NAV3: variants seen among roughly 807,000 people sequenced by gnomAD.
NAV3 encodes the protein neuron navigator 3.
Under a neutral mutation model 244.7 loss-of-function variants are expected in NAV3, and 87 were observed. The ratio of observed to expected loss-of-function variants is 0.36; its 90% confidence interval spans 0.30 to 0.42. The LOEUF (loss-of-function observed/expected upper bound fraction) is 0.42, where lower values mean the gene tolerates loss of function less well. Among genes scored for constraint, NAV3 ranks in the 20% least tolerant of loss-of-function variants. The probability of loss-of-function intolerance (pLI) is 1.00; values close to 1 mark genes in which losing one functional copy is unlikely to be tolerated. For synonymous variants in NAV3, 1,126 were observed against 1,042.2 expected, an observed-to-expected ratio of 1.08 and a Z score of -1.55; for missense variants, 2,663 against 2,893.3, an observed-to-expected ratio of 0.92 and a Z score of 1.83.
At chr12:78,049,685 T>A (rs1882440474) in intron 9 of NAV3, among the ~76,000 whole-genome samples, 1 of 152,202 alleles carries the variant, frequency 6.6e-6, no homozygotes, top group South Asian at 2.1e-4. Context: ...ATCATAGATT[T>A]TTAATTGATC....
chr12:77,722,628 ATGT>A (rs1350175970), intron 2 of NAV3, among the ~76,000 whole-genome samples: 1 of 152,034 alleles, frequency 6.6e-6, no homozygotes, highest in Non-Finnish European at 1.5e-5. Context: ...TTGTTAAATC[ATGT>A]TATTATATGG....
intron 12 of NAV3, among the ~76,000 whole-genome samples, chr12:78,071,221 C>T (rs1018720989): frequency 1.3e-5 from 2 of 152,142 alleles, no homozygotes; most frequent in Non-Finnish European, 2.9e-5. Flanking sequence ...CCTGCTGTTT[C>T]CTGACTTTTT....
intron 12 of NAV3, among the ~76,000 whole-genome samples, chr12:78,109,641 T>C (rs1954985077): frequency 6.6e-6 from 1 of 151,894 alleles, no homozygotes; most frequent in African/African-American, 2.4e-5. Flanking sequence ...TATGACTCAA[T>C]GTAAATAAAT....
At chr12:78,110,158 G>T (rs1424390036) in intron 12 of NAV3, among the ~76,000 whole-genome samples, 1 of 151,756 alleles carries the variant, frequency 6.6e-6, no homozygotes, top group Non-Finnish European at 1.5e-5. Context: ...TAATAAAATA[G>T]CTAAGAAAGA....
At position 77,983,091 on chromosome 12, in the gene NAV3, A is replaced by G. The variant is rs553395257; in HGVS notation, c.672-11712A>G. Among the ~76,000 whole-genome samples, 3 of 152,312 alleles carry G rather than the reference A, an allele frequency of 2.0e-5. No individual in the cohort carries two copies. In the South Asian group the frequency reaches 6.2e-4, roughly 32 times the overall value. ...AAGACTGGAGAAATAGGCAGAGGTC[A>G]GTTTGTGGAAGTTGTGAACTCTATG... On this transcript the variant is annotated intron_variant, in intron 5 of 39. Transcript: ENST00000397909.
intron 2 of NAV3, among the ~76,000 whole-genome samples, chr12:77,684,488 T>C (rs983952899): frequency 6.6e-6 from 1 of 151,886 alleles, no homozygotes; most frequent in Admixed American, 6.6e-5. Flanking sequence ...GAACCTCCTA[T>C]CTTTTTTATT....
intron 2 of NAV3, among the ~76,000 whole-genome samples, chr12:77,592,957 A>G (rs937740509): frequency 2.8e-4 from 43 of 152,302 alleles, no homozygotes; most frequent in Non-Finnish European, 2.9e-4. Context: ...GGCCTAGACA[A>G]TTGGGATCTA....
intron 2 of NAV3, among the ~76,000 whole-genome samples, chr12:77,649,309 T>G (rs560250599): frequency 1.3e-5 from 2 of 152,264 alleles, no homozygotes; most frequent in East Asian, 3.9e-4. Context: ...TTATAGTATT[T>G]GCGTATTTCT....
chr12:77,687,288 G>A (rs1043546795), intron 2 of NAV3, among the ~76,000 whole-genome samples: 6 of 150,258 alleles, frequency 4.0e-5, no homozygotes, highest in Middle Eastern at 3.4e-3. Flanking sequence ...CTGATACCTT[G>A]TTTTTATTAG....
intron 18 of NAV3, among the ~76,000 whole-genome samples, chr12:78,129,446 C>T (rs1263255147): frequency 1.3e-5 from 2 of 152,128 alleles, no homozygotes; most frequent in Non-Finnish European, 2.9e-5. Flanking sequence ...ATACTCTGAA[C>T]ATTTTCAAAT....
chr12:78,019,384 T>G (rs1012535360), intron 8 of NAV3, among the ~76,000 whole-genome samples: 1 of 152,184 alleles, frequency 6.6e-6, no homozygotes, highest in Non-Finnish European at 1.5e-5. Flanking sequence ...GATACAAGAC[T>G]GGACACTGGG....
chr12:77,781,674 C>A (rs1440829674), intron 2 of NAV3, among the ~76,000 whole-genome samples: 1 of 152,170 alleles, frequency 6.6e-6, no homozygotes, highest in Non-Finnish European at 1.5e-5. Flanking sequence ...ATGGGCATGT[C>A]CTTAACCTTA....
At chr12:77,625,484 A>C (rs926955761) in intron 2 of NAV3, among the ~76,000 whole-genome samples, 7 of 151,800 alleles carry the variant, frequency 4.6e-5, no homozygotes, top group Non-Finnish European at 8.8e-5. Context: ...CTATAAAAAA[A>C]CTAGACTTGT....
intron 35 of NAV3, 100 bp from the exon 36 acceptor site, chr12:78,198,505 G>T: frequency 1.6e-6 from 1 of 638,820 alleles, no homozygotes. Flanking sequence ...TATTGAAATG[G>T]AATAATCCAT....
At chr12:77,771,852 T>C (rs1296765659) in intron 2 of NAV3, among the ~76,000 whole-genome samples, 2 of 152,068 alleles carry the variant, frequency 1.3e-5, no homozygotes, top group African/African-American at 4.8e-5. Flanking sequence ...ACATGGCACA[T>C]GTATACATAT....
chr12:77,604,761 G>C (rs1526831), intron 2 of NAV3, among the ~76,000 whole-genome samples: 147,916 of 152,120 alleles, frequency 0.97, 72,030 homozygotes, highest in Middle Eastern at 1. Context: ...TTTAGATAGC[G>C]AAATTTAAAT....
intron 2 of NAV3, among the ~76,000 whole-genome samples, chr12:77,684,283 T>TATG (rs1874611953): frequency 6.6e-6 from 1 of 151,260 alleles, no homozygotes; most frequent in Non-Finnish European, 1.5e-5. Context: ...TTATTATTAT[T>TATG]TATTGTTGTT....
chr12:77,896,407 G>C (rs1439132851), intron 1 of NAV3, among the ~76,000 whole-genome samples: 3 of 152,148 alleles, frequency 2.0e-5, no homozygotes, highest in African/African-American at 7.2e-5. Context: ...TTATATCTCA[G>C]ACTTTGTCTT....
chr12:77,753,309 AT>A (rs200882083), intron 2 of NAV3, among the ~76,000 whole-genome samples: 12 of 151,958 alleles, frequency 7.9e-5, no homozygotes, highest in South Asian at 2.1e-4. Context: ...CACCTAATGC[AT>A]TTTTTTTCAA....
Sources: allele counts gnomAD v4.1 joint callset (sites outside exome capture counted in the v4.1 genomes callset), GRCh38; gene constraint gnomAD v4.1.1; transcripts MANE v1.5; gene names NCBI Gene and HGNC (gene_info 2026-07-23, HGNC 2026-07-21).